Variants in ACTR3 observed in about 807,000 individuals in gnomAD.
ACTR3 encodes the protein actin-related protein 3.
A neutral mutation model predicts 56.8 loss-of-function variants in ACTR3; 12 were observed. The ratio of observed to expected loss-of-function variants is 0.21; its 90% CI spans 0.14 to 0.34. The LOEUF (loss-of-function observed/expected upper bound fraction) is 0.34. Ranked by LOEUF, ACTR3 falls within the 10% of genes least tolerant of loss-of-function variation. The probability of loss-of-function intolerance (pLI) is 1.00; values close to 1 mark genes in which losing one functional copy is unlikely to be tolerated. For missense variants in ACTR3, 282 were observed against 512.5 expected (o/e 0.55, Z 4.34); for synonymous variants, 162 against 167.4 (o/e 0.97, Z 0.25).
chr2:113,928,840 C>T (rs1001044150), intron 4 of ACTR3, among the ~76,000 whole-genome samples: 2 of 152,086 alleles, frequency 1.3e-5, no homozygotes, highest in Non-Finnish European at 2.9e-5. Flanking sequence ...TTACTATCAG[C>T]GTGGAAAGTT....
At chr2:113,911,571 C>G (rs1433959804) in intron 1 of ACTR3, among the ~76,000 whole-genome samples, 1 of 151,844 alleles carries the variant, frequency 6.6e-6, no homozygotes, top group Non-Finnish European at 1.5e-5. Context: ...AGGCGCCCAC[C>G]ACCACACCCT....
intron 1 of ACTR3, among the ~76,000 whole-genome samples, chr2:113,896,087 C>G (rs1169392542): frequency 6.6e-6 from 1 of 152,176 alleles, no homozygotes; most frequent in Non-Finnish European, 1.5e-5. Context: ...TCTCAAACTT[C>G]TAGCACAAGT....
At chr2:113,953,913 A>G (rs879132040) in intron 10 of ACTR3, 5 of 152,192 alleles carry the variant, frequency 3.3e-5, no homozygotes, top group African/African-American at 4.8e-5. Flanking sequence ...CCAGGATCCA[A>G]TCAAGGATTG....
chr2:113,919,059 A>G (rs915979608), intron 3 of ACTR3, among the ~76,000 whole-genome samples: 2 of 152,330 alleles, frequency 1.3e-5, no homozygotes, highest in Non-Finnish European at 2.9e-5. Context: ...TAATCTATGG[A>G]CAATCTCATT....
At chr2:113,899,260 A>G (rs1207446655) in intron 1 of ACTR3, among the ~76,000 whole-genome samples, 2 of 152,212 alleles carry the variant, frequency 1.3e-5, no homozygotes, top group Non-Finnish European at 2.9e-5. Flanking sequence ...GAAGGCATAC[A>G]TATTTCTGAA....
chr2:113,900,056 G>T (rs895357777), intron 1 of ACTR3, among the ~76,000 whole-genome samples: 4 of 152,140 alleles, frequency 2.6e-5, no homozygotes, highest in South Asian at 2.1e-4. Context: ...ATTAGTCTGG[G>T]TCTAGTATTT....
At position 113,939,883 on chromosome 2, in the gene ACTR3, AT is replaced by A. The variant is rs960226635; in HGVS notation, c.541-74del. The A allele has an allele frequency of 9.4e-6, 13 of 1,379,052 alleles. No homozygotes were observed. In the African/African-American group the frequency reaches 1.7e-4, roughly 18 times the overall value. The allele number at this position is 1,379,052 out of a possible 1,614,324, so 85.4% of individuals were successfully genotyped here. A position where few individuals can be genotyped will look rare whatever the true frequency, so the allele number is the denominator to read the frequency against. ...ACACTAACTTAATAAATTGGTCTTT[AT>A]TGGTTCATATTTTTGGGTTATATTA... is the stretch of plus-strand genomic sequence containing the variant. On this transcript the variant is annotated intron_variant, in intron 6 of 11. Transcript: ENST00000263238.
chr2:113,943,435 T>G (rs990787319), intron 8 of ACTR3, among the ~76,000 whole-genome samples: 1 of 152,172 alleles, frequency 6.6e-6, no homozygotes. Flanking sequence ...GTTAGCTAGA[T>G]TCTGTAGTCA....
In ACTR3 at chr2:113,931,263, C is replaced by G. The variant is rs766029374; in HGVS notation, c.337-38C>G. ...TTGTCAAGAAAGTTATCAAAATAAT[C>G]TGATATTATCTATTTAAAATGTTAT... On this transcript the variant is annotated intron_variant, in intron 4 of 11. Transcript: ENST00000263238. The G allele has an allele frequency of 2.9e-5, 35 of 1,197,620 alleles. No individual in the cohort carries two copies. The East Asian group carries it at 9.3e-4, about 32-fold the overall frequency. The allele number at this position is 1,197,620 out of a possible 1,614,324, so 74.2% of individuals were successfully genotyped here. A position where few individuals can be genotyped will look rare whatever the true frequency, so the allele number is the denominator to read the frequency against.
intron 8 of ACTR3, among the ~76,000 whole-genome samples, chr2:113,948,881 T>C (rs747571489): frequency 1.0e-5 from 1 of 99,096 alleles, no homozygotes; most frequent in Admixed American, 8.8e-5. Flanking sequence ...CAGTATAGAG[T>C]TGCCATATTC....
At chr2:113,955,862 C>T (rs1487067023) in intron 11 of ACTR3, among the ~76,000 whole-genome samples, 156 bp downstream of exon 11, 1 of 152,138 alleles carries the variant, frequency 6.6e-6, no homozygotes, top group Non-Finnish European at 1.5e-5. Context: ...ATTCTCCTGC[C>T]TCAGCCTCCC....
At chr2:113,911,555 G>A (rs1035974135) in intron 1 of ACTR3, among the ~76,000 whole-genome samples, 10 of 151,012 alleles carry the variant, frequency 6.6e-5, no homozygotes, top group African/African-American at 2.4e-4. Flanking sequence ...GAGTAGCTGG[G>A]ATTACAGGCG....
intron 6 of ACTR3, chr2:113,934,613 A>G (rs1357890544): frequency 1.3e-5 from 4 of 312,552 alleles, no homozygotes; most frequent in Non-Finnish European, 1.7e-5. Context: ...ACAAATTGCA[A>G]TATCTGGAAT....
intron 1 of ACTR3, among the ~76,000 whole-genome samples, chr2:113,903,206 C>T (rs190291834): frequency 6.6e-6 from 1 of 152,300 alleles, no homozygotes; most frequent in East Asian, 1.9e-4. Context: ...TATTTTAGAT[C>T]CCCATATATG....
At chr2:113,923,041 T>C (rs138059732) in intron 3 of ACTR3, among the ~76,000 whole-genome samples, 5 of 152,346 alleles carry the variant, frequency 3.3e-5, no homozygotes, top group African/African-American at 9.6e-5. Context: ...CCAGAGTTCC[T>C]TTCCACTGAT....
intron 1 of ACTR3, among the ~76,000 whole-genome samples, chr2:113,910,355 AC>A (rs944184322): frequency 3.9e-5 from 6 of 152,192 alleles, no homozygotes; most frequent in Non-Finnish European, 5.9e-5. Flanking sequence ...TACACACCTC[AC>A]CCTGTGTGTG....
intron 1 of ACTR3, among the ~76,000 whole-genome samples, chr2:113,894,891 C>T (rs561009749): frequency 5.3e-5 from 8 of 152,198 alleles, no homozygotes; most frequent in East Asian, 3.9e-4. Flanking sequence ...GTTAACACTC[C>T]GGGGACTCCT....
chr2:113,937,173 A>ATG (rs1679844371), intron 6 of ACTR3, among the ~76,000 whole-genome samples: 1 of 152,106 alleles, frequency 6.6e-6, no homozygotes, highest in Non-Finnish European at 1.5e-5. Context: ...GTGCGATCTC[A>ATG]GCTCGCTTCA....
intron 7 of ACTR3, among the ~76,000 whole-genome samples, chr2:113,940,385 A>G (rs568419931): frequency 6.6e-6 from 1 of 151,576 alleles, no homozygotes; most frequent in Non-Finnish European, 1.5e-5. Context: ...TCTCTTTATT[A>G]AAAATAAATA....
Sources: allele counts gnomAD v4.1 joint callset (sites outside exome capture counted in the v4.1 genomes callset), GRCh38; gene constraint gnomAD v4.1.1; transcripts MANE v1.5; gene names NCBI Gene and HGNC (gene_info 2026-07-23, HGNC 2026-07-21).